SLC23A2: variants seen among roughly 807,000 people sequenced by gnomAD.
SLC23A2 encodes the protein Na(+)/L-ascorbic acid transporter 2.
In SLC23A2, 36 loss-of-function variants were observed where a neutral mutation model predicts 73.3. The observed-to-expected ratio is 0.49, with a 90% CI of 0.38 to 0.65. SLC23A2 has a LOEUF of 0.65. Among genes scored for constraint, SLC23A2 ranks in the 30% least tolerant of loss-of-function variants. The probability of loss-of-function intolerance (pLI) is 0.00; values close to 1 mark genes in which losing one functional copy is unlikely to be tolerated. For synonymous variants in SLC23A2, 343 were observed against 327.3 expected, an observed-to-expected ratio of 1.05 and a Z score of -0.52; for missense variants, 507 against 841.6, an observed-to-expected ratio of 0.60 and a Z score of 4.92.
chr20:4,988,384 C>T (rs1029204791), intron 1 of SLC23A2, among the ~76,000 whole-genome samples: 1 of 152,034 alleles, frequency 6.6e-6, no homozygotes, highest in Non-Finnish European at 1.5e-5. Context: ...GGGCCAATCA[C>T]CTGAGGTCAG....
At chr20:4,859,497 GA>G in intron 15 of SLC23A2, 113 bp from the exon 16 acceptor site, 1 of 744,282 alleles carries the variant, frequency 1.3e-6, no homozygotes, top group Non-Finnish European at 2.5e-6. Context: ...AGCAGGAAAG[GA>G]AAGTGTACAT....
At chr20:5,005,300 A>G (rs186129321), upstream of SLC23A2, among the ~76,000 whole-genome samples, 165 of 152,024 alleles carry the variant, frequency 1.1e-3, 2 homozygotes, top group Admixed American at 9.2e-3. Flanking sequence ...TACCATTATC[A>G]TCAATTAAAA....
At chr20:4,900,923 C>T (rs943317021) in intron 5 of SLC23A2, among the ~76,000 whole-genome samples, 2 of 152,114 alleles carry the variant, frequency 1.3e-5, no homozygotes, top group African/African-American at 4.8e-5. Flanking sequence ...CCATGAAGCC[C>T]GACTGTAAAG....
At chr20:4,908,060 T>G (rs1015417463) in intron 4 of SLC23A2, among the ~76,000 whole-genome samples, 1 of 151,966 alleles carries the variant, frequency 6.6e-6, no homozygotes, top group Non-Finnish European at 1.5e-5. Flanking sequence ...AAAAAAAGAT[T>G]AAAGAGAACT....
intron 2 of SLC23A2, among the ~76,000 whole-genome samples, chr20:4,943,866 C>T (rs1047746238): frequency 6.6e-6 from 1 of 152,112 alleles, no homozygotes; most frequent in South Asian, 2.1e-4. Flanking sequence ...CGTCTGCTGA[C>T]GTGCCCGACA....
intron 1 of SLC23A2, among the ~76,000 whole-genome samples, chr20:4,975,008 A>C (rs949524266): frequency 1.3e-5 from 2 of 152,140 alleles, no homozygotes; most frequent in South Asian, 4.1e-4. Flanking sequence ...GCTGGTCTTG[A>C]ACTCCTGACC....
chr20:4,886,868 G>A (rs1411885907), intron 6 of SLC23A2, among the ~76,000 whole-genome samples: 1 of 152,142 alleles, frequency 6.6e-6, no homozygotes, highest in East Asian at 1.9e-4. Context: ...CAGCGAGACA[G>A]GGACCCAGCA....
chr20:4,922,756 C>G (rs1008775745), intron 3 of SLC23A2, among the ~76,000 whole-genome samples: 1 of 151,704 alleles, frequency 6.6e-6, no homozygotes, highest in Admixed American at 6.6e-5. Flanking sequence ...TGCTTGAACC[C>G]GGGAGGCAGA....
At chr20:4,961,024 A>T (rs2087373432) in intron 2 of SLC23A2, among the ~76,000 whole-genome samples, 1 of 151,632 alleles carries the variant, frequency 6.6e-6, no homozygotes, top group African/African-American at 2.4e-5. Context: ...TGGGACAAGG[A>T]CCAGACAGGA....
rs557237164 is a variant in SLC23A2 at position 4,878,629 on chromosome 20, T to C, written c.825-3933A>G. Among the ~76,000 whole-genome samples, 12 of 152,362 alleles carry C rather than the reference T, an allele frequency of 7.9e-5. No individual in the cohort carries two copies. In the South Asian group the frequency reaches 2.5e-3, roughly 32 times the overall value. On this transcript the variant is annotated intron_variant, in intron 9 of 16. Coordinates refer to ENST00000338244, the MANE Select transcript of SLC23A2 (RefSeq NM_005116.6). ...TATTTAGGTTTTCTTCTAGCACTTT[T>C]ATGGTTATTTTGTATATTTAAGTCT...
chr20:4,867,742 A>C (rs767191077), intron 13 of SLC23A2, 28 bp downstream of exon 13: 5 of 1,311,328 alleles, frequency 3.8e-6, no homozygotes, highest in Middle Eastern at 1.8e-4. Flanking sequence ...TTAGAAACCC[A>C]ATCATTTAAT....
At chr20:4,993,054 G>A (rs189691905) in intron 1 of SLC23A2, among the ~76,000 whole-genome samples, 11 of 151,704 alleles carry the variant, frequency 7.3e-5, no homozygotes, top group African/African-American at 2.7e-4. Context: ...CGAGGCAGGT[G>A]GATCACGAGG....
chr20:4,945,587 G>A (rs534783645), intron 2 of SLC23A2, among the ~76,000 whole-genome samples: 1 of 152,144 alleles, frequency 6.6e-6, no homozygotes, highest in African/African-American at 2.4e-5. Flanking sequence ...CCTAGCCAGC[G>A]CTCATTTTTC....
At chr20:4,967,135 C>G (rs1412824071) in intron 2 of SLC23A2, among the ~76,000 whole-genome samples, 2 of 152,014 alleles carry the variant, frequency 1.3e-5, no homozygotes, top group Non-Finnish European at 2.9e-5. Context: ...TAAATAAACA[C>G]AGGGCCCATC....
At chr20:4,955,353 TAA>T (rs1361442197) in intron 2 of SLC23A2, among the ~76,000 whole-genome samples, 2 of 111,696 alleles carry the variant, frequency 1.8e-5, no homozygotes, top group Non-Finnish European at 1.9e-5. Context: ...GAAAATGAGT[TAA>T]AACACACACA....
intron 2 of SLC23A2, among the ~76,000 whole-genome samples, chr20:4,936,404 A>C (rs1418143517): frequency 6.6e-6 from 1 of 152,184 alleles, no homozygotes; most frequent in South Asian, 2.1e-4. Context: ...CTAGCATGTC[A>C]GCAGAGCTTT....
chr20:5,004,747 C>A (rs1452416191), upstream of SLC23A2, among the ~76,000 whole-genome samples: 2 of 152,126 alleles, frequency 1.3e-5, no homozygotes, highest in East Asian at 3.8e-4. Context: ...CGCCTGTAAT[C>A]CCAGCACTTT....
intron 11 of SLC23A2, among the ~76,000 whole-genome samples, chr20:4,870,961 T>C (rs1309789073): frequency 5.3e-5 from 8 of 152,220 alleles, no homozygotes; most frequent in Non-Finnish European, 1.2e-4. Context: ...CCACTGAAAC[T>C]TCATTTTAAG....
intron 1 of SLC23A2, among the ~76,000 whole-genome samples, chr20:4,994,515 C>T (rs1481699437): frequency 2.0e-5 from 3 of 152,016 alleles, no homozygotes; most frequent in African/African-American, 4.8e-5. Context: ...CCAGGTGCGG[C>T]GGCTCACACC....
Sources: gnomAD v4.1 joint callset for allele counts (sites outside exome capture counted in the v4.1 genomes callset) on GRCh38, gnomAD v4.1.1 for gene constraint, MANE v1.5 for transcripts, NCBI Gene and HGNC (gene_info 2026-07-23, HGNC 2026-07-21) for gene names.